The following SEMA4B variants were observed in gnomAD, a reference collection of about 807,000 sequenced individuals.
SEMA4B encodes semaphorin 4B, also known as semaphorin-4B.
A neutral mutation model predicts 88.1 loss-of-function variants in SEMA4B; 55 were observed. The observed-to-expected ratio is 0.62, with a 90% CI of 0.50 to 0.78. The LOEUF is 0.78. SEMA4B is among the 30% of genes least tolerant of loss of function. The probability of loss-of-function intolerance (pLI) is 0.00; values close to 1 mark genes in which losing one functional copy is unlikely to be tolerated. For missense variants in SEMA4B, 1,062 were observed against 1,111.9 expected (o/e 0.96, Z 0.64); for synonymous variants, 525 against 473.6 (o/e 1.11, Z -1.41).
In SEMA4B at chr15:90,229,503, C is replaced by A; in HGVS notation, c.*860C>A. On this transcript the variant is annotated 3_prime_UTR_variant, in exon 14 of 14. Coordinates refer to ENST00000411539, the MANE Select transcript of SEMA4B (RefSeq NM_198925.4). Reference sequence around the variant, plus strand: ...ACTAACTGCACCCTGGTCCTCTCCCCAGTCCCCAGTTCACCCTCCATCCCT... The same window carrying A: ...ACTAACTGCACCCTGGTCCTCTCCCAAGTCCCCAGTTCACCCTCCATCCCT... 2.4e-6 allele frequency: 1 copy of A among 422,288 alleles called. No homozygotes were observed. The highest frequency in any genetic ancestry group is 1.8e-5 in the South Asian group (1 of 57,062). 26.2% of individuals were successfully genotyped at this position (422,288 alleles called of 1,614,324 possible).
intron 1 of SEMA4B, among the ~76,000 whole-genome samples, chr15:90,203,428 A>G (rs1037880767): frequency 4.6e-5 from 7 of 152,196 alleles, no homozygotes; most frequent in Non-Finnish European, 8.8e-5. Context: ...GGCCTTGGGA[A>G]AGCTGGGCCA....
At chr15:90,215,511 A>G (rs568107947) in intron 1 of SEMA4B, among the ~76,000 whole-genome samples, 1 of 152,318 alleles carries the variant, frequency 6.6e-6, no homozygotes, top group Non-Finnish European at 1.5e-5. Context: ...AACAAAAGCT[A>G]CTTAAAATGT....
Position 90,201,679 on chromosome 15 carries a change from T to A in SEMA4B, c.101T>A (p.Leu34Gln), listed in dbSNP as rs964112490. 21 of 1,513,220 alleles carry A rather than the reference T, an allele frequency of 1.4e-5. No individual in the cohort carries two copies. The highest frequency in any genetic ancestry group is 1.6e-5 in the Non-Finnish European group (18 of 1,137,864). 93.7% of individuals were successfully genotyped at this position (1,513,220 alleles called of 1,614,324 possible). A position where few individuals can be genotyped will look rare whatever the true frequency, so the allele number is the denominator to read the frequency against. ...CTGCTGCTCCTGCTGCTGCTGCTCC[T>A]GCTGCAGCCGCCGCCTCCGACCTGG... Reference protein sequence around the residue: ...PLLLLLLLLLLLQPPPPTWAL... With the variant: ...PLLLLLLLLLQLQPPPPTWAL... Residue 34 changes from leucine to glutamine, a missense_variant, in exon 1 of 14, where the codon CTG becomes CAG. Leu to Gln is a moderately radical substitution (Grantham distance 113). Transcript: ENST00000411539.
Position 90,228,199 on chromosome 15 carries a change from C to A in SEMA4B, c.2070C>A (p.Pro690=), listed in dbSNP as rs373633209. The A allele has an allele frequency of 2.5e-6, 4 of 1,610,136 alleles. No homozygotes were observed. The highest frequency in any genetic ancestry group is 3.4e-6 in the Non-Finnish European group (4 of 1,178,136). ...ADQTDEGGSV[P]VIISTSRVSA... ...AAACAGATGAGGGTGGCAGTGTACCCGTCATTATCAGCACATCGCGTGTGA... is the reference window on the plus strand; with the variant it reads ...AAACAGATGAGGGTGGCAGTGTACCAGTCATTATCAGCACATCGCGTGTGA... Residue 690 remains proline (P), a synonymous_variant, in exon 14 of 14, where the codon CCC becomes CCA. Transcript: ENST00000411539.
At position 90,227,910 on chromosome 15, in the gene SEMA4B, A is replaced by T; in HGVS notation, c.1781A>T (p.Lys594Met). 6.2e-7 allele frequency: 1 copy of T among 1,611,662 alleles called. No homozygotes were observed. The highest frequency in any genetic ancestry group is 8.5e-7 in the Non-Finnish European group (1 of 1,179,812). Residue 594 changes from lysine to methionine, a missense_variant, in exon 14 of 14, where the codon AAG becomes ATG. By Grantham distance (95) the Lys-to-Met change is moderately conservative. Transcript: ENST00000411539. ...ATGCCTTTTCTGCCTACAGGGGAGA[A>T]GCCATGTGAGCAAGTCCAGTTCCAG... ...VSPSFVPTGE[K>M]PCEQVQFQPN...
chr15:90,216,367 C>T (rs967276734), intron 1 of SEMA4B, among the ~76,000 whole-genome samples: 1 of 152,134 alleles, frequency 6.6e-6, no homozygotes, highest in African/African-American at 2.4e-5. Flanking sequence ...CCATTCCTCC[C>T]CCCAACATAT....
intron 1 of SEMA4B, among the ~76,000 whole-genome samples, chr15:90,205,325 G>A (rs564553617): frequency 3.9e-5 from 6 of 152,298 alleles, no homozygotes; most frequent in South Asian, 2.1e-4. Flanking sequence ...CCCTCAGCCC[G>A]GTTACTGGCT....
chr15:90,228,100 G>A lies in SEMA4B; in HGVS notation c.1971G>A (p.Trp657Ter). The change falls in exon 14 of 14, where the codon TGG (tryptophan) becomes TGA (stop). Residue 657 changes from tryptophan (W) to a stop codon, truncating the protein, a stop_gained. Transcript: ENST00000411539. LOFTEE classifies it high-confidence loss of function. ...AACAGCTGGGGGAGTTCCAGTGCTG[G>A]TCACTAGAGGAGGGCTTCCAGCAGC... ...GTQQLGEFQC[W>*]SLEEGFQQLV... 2 of 1,612,494 alleles carry A rather than the reference G, an allele frequency of 1.2e-6. No homozygotes were observed. Among genetic ancestry groups the A allele is most frequent in the Non-Finnish European group, 1.7e-6 (2 of 1,179,222 alleles).
At chr15:90,189,827 C>T (rs1201113552) in intron 1 of SEMA4B, among the ~76,000 whole-genome samples, 2 of 152,192 alleles carry the variant, frequency 1.3e-5, no homozygotes, top group Admixed American at 6.5e-5. Context: ...TTGGCGTTCA[C>T]AGCTCCCTGA....
Position 90,225,676 on chromosome 15 carries a change from G to A in SEMA4B, c.1537G>A (p.Ala513Thr). 6.4e-7 allele frequency: 1 copy of A among 1,566,582 alleles called. No homozygotes were observed. ...LDTHRGLLYA[A>T]SHSGVVQVPM... ...GGCTGTGCAGGGGCTGCTGTATGCG[G>A]CCTCACACTCGGGCGTAGTCCAGGT... The change falls in exon 12 of 14, where the codon GCC becomes ACC. Residue 513 changes from alanine to threonine, a missense_variant. Ala to Thr is a moderately conservative substitution (Grantham distance 58). Coordinates refer to ENST00000411539, the MANE Select transcript of SEMA4B (RefSeq NM_198925.4).
intron 1 of SEMA4B, among the ~76,000 whole-genome samples, chr15:90,192,573 C>CT (rs751301872): frequency 7.0e-6 from 1 of 143,124 alleles, no homozygotes; most frequent in African/African-American, 2.6e-5. Context: ...CCTTTATTTT[C>CT]TTTCCCTTGT....
chr15:90,194,094 C>T (rs944682407), intron 1 of SEMA4B, among the ~76,000 whole-genome samples: 8 of 152,010 alleles, frequency 5.3e-5, no homozygotes, highest in Admixed American at 2.0e-4. Flanking sequence ...TCAGGTGATG[C>T]GCCCACCTCA....
upstream of SEMA4B, among the ~76,000 whole-genome samples, chr15:90,199,970 G>A (rs1488920375): frequency 6.6e-6 from 1 of 152,174 alleles, no homozygotes; most frequent in Non-Finnish European, 1.5e-5. Context: ...GTAGCACTGT[G>A]GGTGCTTGGT....
chr15:90,189,809 T>A (rs1960291821), intron 1 of SEMA4B, among the ~76,000 whole-genome samples: 1 of 152,186 alleles, frequency 6.6e-6, no homozygotes, highest in African/African-American at 2.4e-5. Flanking sequence ...TGAAATGGCA[T>A]CTCATTCTTG....
intron 1 of SEMA4B, among the ~76,000 whole-genome samples, chr15:90,207,841 G>C (rs991845842): frequency 1.3e-5 from 2 of 152,228 alleles, no homozygotes; most frequent in Non-Finnish European, 2.9e-5. Flanking sequence ...AGAGCTGGCA[G>C]ACATGTGGCA....
At chr15:90,196,433 T>G (rs532150544), upstream of SEMA4B, among the ~76,000 whole-genome samples, 1 of 152,278 alleles carries the variant, frequency 6.6e-6, no homozygotes, top group African/African-American at 2.4e-5. Flanking sequence ...CACCCAATGG[T>G]TTCCCATCCA....
upstream of SEMA4B, among the ~76,000 whole-genome samples, chr15:90,197,735 C>G (rs1372561993): frequency 6.6e-6 from 1 of 151,344 alleles, no homozygotes; most frequent in Non-Finnish European, 1.5e-5. Context: ...CCATGCCCGG[C>G]CCTGCTCACC....
rs759191714 is a variant in SEMA4B at position 90,228,106 on chromosome 15, A to G, written c.1977A>G (p.Leu659=). ...TGGGGGAGTTCCAGTGCTGGTCACT[A>G]GAGGAGGGCTTCCAGCAGCTGGTAG... ...QQLGEFQCWS[L]EEGFQQLVAS... is the part of the protein sequence containing the mutation. The change falls in exon 14 of 14, where the codon CTA becomes CTG. Residue 659 remains leucine, a synonymous_variant. Transcript: ENST00000411539. The G allele has an allele frequency of 1.8e-5, 29 of 1,612,100 alleles. No homozygotes were observed. The highest frequency in any genetic ancestry group is 2.4e-5 in the Non-Finnish European group (28 of 1,179,156).
chr15:90,228,213 C>T lies in SEMA4B; in HGVS notation c.2084C>T (p.Thr695Ile). 1 of 1,608,714 alleles carries T rather than the reference C, an allele frequency of 6.2e-7. No individual in the cohort carries two copies. The highest frequency in any genetic ancestry group is 8.5e-7 in the Non-Finnish European group (1 of 1,177,246). Residue 695 changes from threonine (T) to isoleucine (I), a missense_variant, in exon 14 of 14, where the codon ACA (threonine) becomes ATA (isoleucine). Thr to Ile is a moderately conservative substitution (Grantham distance 89, BLOSUM62 -1). Transcript: ENST00000411539. ...EGGSVPVIISTSRVSAPAGGK... is the reference protein window; with the variant it reads ...EGGSVPVIISISRVSAPAGGK... ...GGCAGTGTACCCGTCATTATCAGCA[C>T]ATCGCGTGTGAGTGCACCAGCTGGT... is the stretch of plus-strand genomic sequence containing the variant.
Sources: allele counts gnomAD v4.1 joint callset (sites outside exome capture counted in the v4.1 genomes callset), GRCh38; gene constraint gnomAD v4.1.1; transcripts MANE v1.5; gene names NCBI Gene and HGNC (gene_info 2026-07-23, HGNC 2026-07-21).